Variants in NEDD4L observed in about 807,000 individuals in gnomAD.
NEDD4L encodes the protein E3 ubiquitin-protein ligase NEDD4-like.
NEDD4L carries 54 observed loss-of-function variants against 148.9 expected under a neutral mutation model. That is an observed-to-expected ratio of 0.36 (90% confidence interval 0.29 to 0.45). The LOEUF (loss-of-function observed/expected upper bound fraction) is 0.45. Ranked by LOEUF, NEDD4L falls within the 20% of genes least tolerant of loss-of-function variation. NEDD4L has a pLI of 1.00. For synonymous variants in NEDD4L, 433 were observed against 440.7 expected (o/e 0.98, Z 0.22); for missense variants, 856 against 1,233.8 (o/e 0.69, Z 4.59).
chr18:58,195,671 G>C, intron 2 of NEDD4L: 1 of 1,351,966 alleles, frequency 7.4e-7, no homozygotes, highest in Non-Finnish European at 9.8e-7. Flanking sequence ...CAGACCATCT[G>C]CATCTAGACC....
intron 24 of NEDD4L, among the ~76,000 whole-genome samples, chr18:58,374,838 T>A (rs1365047609): frequency 6.6e-6 from 1 of 152,068 alleles, no homozygotes; most frequent in Non-Finnish European, 1.5e-5. Context: ...CGCTGCTTTT[T>A]TGTCTCACCC....
chr18:58,131,443 A>G (rs1598994617), intron 1 of NEDD4L, among the ~76,000 whole-genome samples: 1 of 149,030 alleles, frequency 6.7e-6, no homozygotes, highest in Admixed American at 6.7e-5. Flanking sequence ...GTTGTGATCT[A>G]GCAGAACTGT....
At chr18:58,190,398 A>C (rs1414963437) in intron 2 of NEDD4L, among the ~76,000 whole-genome samples, 1 of 152,254 alleles carries the variant, frequency 6.6e-6, no homozygotes, top group Non-Finnish European at 1.5e-5. Flanking sequence ...AAGCCATTAG[A>C]AATGATGTTA....
chr18:58,372,121 T>G (rs951885833), intron 23 of NEDD4L: 1 of 152,178 alleles, frequency 6.6e-6, no homozygotes, highest in African/African-American at 2.4e-5. Flanking sequence ...TTTTACTTAT[T>G]TATTTTTTTG....
chr18:58,251,557 G>GTGTC (rs2047943464), intron 4 of NEDD4L, among the ~76,000 whole-genome samples: 1 of 151,470 alleles, frequency 6.6e-6, no homozygotes, highest in Non-Finnish European at 1.5e-5. Flanking sequence ...GTGTGTGTGT[G>GTGTC]TCTCTCTCTA....
chr18:58,162,381 C>T (rs1449591876), intron 1 of NEDD4L, among the ~76,000 whole-genome samples: 1 of 152,030 alleles, frequency 6.6e-6, no homozygotes, highest in Admixed American at 6.6e-5. Flanking sequence ...GCTGTCAGCT[C>T]TTCCTGCAAC....
At chr18:58,196,710 CTTTTTTTTTTTTTT>C (rs544883000) in intron 2 of NEDD4L, among the ~76,000 whole-genome samples, 2 of 114,446 alleles carry the variant, frequency 1.7e-5, no homozygotes, top group East Asian at 5.7e-4. Context: ...CTCTCTCTCT[CTTTTTTTTTTTTTT>C]TTTTTTTTTT....
intron 1 of NEDD4L, among the ~76,000 whole-genome samples, chr18:58,162,160 C>T (rs990147837): frequency 1.8e-4 from 27 of 152,148 alleles, no homozygotes; most frequent in Non-Finnish European, 8.8e-5. Context: ...GCCCTGTTCC[C>T]TCACAGCAGC....
chr18:58,248,111 T>G (rs778656367), intron 3 of NEDD4L, among the ~76,000 whole-genome samples: 73 of 152,356 alleles, frequency 4.8e-4, no homozygotes, highest in Non-Finnish European at 8.8e-4. Context: ...TTACATACAA[T>G]TTTTAAGAGC....
intron 13 of NEDD4L, among the ~76,000 whole-genome samples, chr18:58,340,794 G>C (rs1428124944): frequency 6.6e-6 from 1 of 152,116 alleles, no homozygotes; most frequent in Non-Finnish European, 1.5e-5. Flanking sequence ...TTGAGACTAC[G>C]GGGTCTTAGA....
At chr18:58,047,612 A>G (rs79843883) in intron 1 of NEDD4L, 1 of 575,280 alleles carries the variant, frequency 1.7e-6, no homozygotes, top group African/African-American at 2.0e-5. Flanking sequence ...TATAATTCAT[A>G]TTTACCCTGA....
At chr18:58,307,722 T>G (rs552327923) in intron 5 of NEDD4L, among the ~76,000 whole-genome samples, 4 of 152,292 alleles carry the variant, frequency 2.6e-5, no homozygotes, top group Middle Eastern at 3.4e-3. Context: ...AGGAAGAGCT[T>G]TTAGCAATAA....
intron 2 of NEDD4L, among the ~76,000 whole-genome samples, chr18:58,216,754 G>C (rs935951889): frequency 6.6e-6 from 1 of 152,136 alleles, no homozygotes. Context: ...GTGTGAAGAT[G>C]GTGGTAGAGG....
intron 23 of NEDD4L, among the ~76,000 whole-genome samples, chr18:58,370,712 C>T (rs1241446142): frequency 3.3e-5 from 5 of 152,188 alleles, no homozygotes; most frequent in African/African-American, 4.8e-5. Context: ...TCTGCTTACC[C>T]GGCATAGGAC....
At chr18:58,219,340 A>C (rs1436992031) in intron 2 of NEDD4L, among the ~76,000 whole-genome samples, 1 of 152,236 alleles carries the variant, frequency 6.6e-6, no homozygotes, top group Non-Finnish European at 1.5e-5. Flanking sequence ...AAAAGTGAGC[A>C]TACTCAAGTG....
At chr18:58,141,786 C>G (rs556719243) in intron 1 of NEDD4L, among the ~76,000 whole-genome samples, 197 of 152,270 alleles carry the variant, frequency 1.3e-3, no homozygotes, top group Non-Finnish European at 2.3e-3. Context: ...TTGCCTGTCT[C>G]CAATTTCTAC....
In NEDD4L at chr18:58,268,973, C is replaced by T. The variant is rs1285830995; in HGVS notation, c.297+16919C>T. ...GGCCTTCAGTGACTCAGAGCCTCCT[C>T]CCTTCCCAAGCCTCAGGCCTGAAAG... On this transcript the variant is annotated intron_variant, in intron 5 of 30. Transcript: ENST00000400345. Among the ~76,000 whole-genome samples the T allele has an allele frequency of 2.0e-5, 3 of 152,044 alleles. No individual in the cohort carries two copies. In the East Asian group the frequency reaches 5.8e-4, roughly 29 times the overall value.
chr18:58,293,157 T>C (rs978108600), intron 5 of NEDD4L, among the ~76,000 whole-genome samples: 1 of 152,226 alleles, frequency 6.6e-6, no homozygotes, highest in African/African-American at 2.4e-5. Flanking sequence ...GCAAACTTGG[T>C]TGGTGAGTAG....
At chr18:58,338,561 T>A (rs2042051616) in intron 13 of NEDD4L, among the ~76,000 whole-genome samples, 1 of 152,234 alleles carries the variant, frequency 6.6e-6, no homozygotes, top group Non-Finnish European at 1.5e-5. Context: ...AATTCAGCGT[T>A]CTGTACTACA....
Sources: gnomAD v4.1 joint callset for allele counts (sites outside exome capture counted in the v4.1 genomes callset) on GRCh38, gnomAD v4.1.1 for gene constraint, MANE v1.5 for transcripts, NCBI Gene and HGNC (gene_info 2026-07-23, HGNC 2026-07-21) for gene names.